Variants in NOX3 observed in about 807,000 individuals in gnomAD.
NOX3 encodes the protein NADPH oxidase catalytic subunit-like 3.
Under a neutral mutation model 76.7 loss-of-function variants are expected in NOX3, and 74 were observed. That is an observed-to-expected ratio of 0.96 (90% CI 0.80 to 1.17). NOX3 has a LOEUF of 1.17. Among genes scored for constraint, NOX3 ranks in the 50% most tolerant of loss-of-function variants. The pLI is 0.00. For synonymous variants in NOX3, 263 were observed against 261.1 expected (o/e 1.01, Z -0.07); for missense variants, 695 against 703.3 (o/e 0.99, Z 0.13).
At chr6:155,453,758 C>T (rs1043805177) in intron 3 of NOX3, among the ~76,000 whole-genome samples, 1 of 152,162 alleles carries the variant, frequency 6.6e-6, no homozygotes, top group Non-Finnish European at 1.5e-5. Flanking sequence ...ATGCCTCACT[C>T]AGCTTCTTTG....
At chr6:155,435,965 T>C (rs532084656) in intron 7 of NOX3, among the ~76,000 whole-genome samples, 8 of 152,348 alleles carry the variant, frequency 5.3e-5, no homozygotes, top group Admixed American at 3.3e-4. Context: ...ATCCTTGAAG[T>C]TGTCAAAAGA....
chr6:155,411,715 T>G (rs1352985602), intron 10 of NOX3, among the ~76,000 whole-genome samples: 2 of 152,202 alleles, frequency 1.3e-5, no homozygotes, highest in East Asian at 3.8e-4. Context: ...GATAAACCGT[T>G]AGACCAACCC....
chr6:155,405,890 C>G (rs1776451650), intron 12 of NOX3, among the ~76,000 whole-genome samples: 1 of 152,216 alleles, frequency 6.6e-6, no homozygotes. Context: ...CTGCTCAAAC[C>G]TGTAAGTGCC....
intron 7 of NOX3, among the ~76,000 whole-genome samples, chr6:155,435,712 T>A (rs1360922671): frequency 6.6e-6 from 1 of 152,220 alleles, no homozygotes; most frequent in African/African-American, 2.4e-5. Flanking sequence ...ATCACTTGGT[T>A]GTCCCAAAGA....
intron 11 of NOX3, among the ~76,000 whole-genome samples, chr6:155,408,217 A>C (rs984717307): frequency 1.3e-5 from 2 of 151,954 alleles, no homozygotes; most frequent in Admixed American, 1.3e-4. Context: ...CGATCTCCTG[A>C]CCTCATGATC....
intron 12 of NOX3, among the ~76,000 whole-genome samples, chr6:155,398,437 C>T (rs1779168732): frequency 1.3e-5 from 2 of 152,184 alleles, no homozygotes; most frequent in African/African-American, 4.8e-5. Flanking sequence ...TAACATGGTT[C>T]TCTGCCATGT....
At chr6:155,432,562 C>T (rs1250548566) in intron 7 of NOX3, among the ~76,000 whole-genome samples, 3 of 152,100 alleles carry the variant, frequency 2.0e-5, no homozygotes, top group Non-Finnish European at 2.9e-5. Context: ...ATTTTTACTT[C>T]CTTTGAGTCA....
At chr6:155,438,921 T>A (rs148517392) in intron 6 of NOX3, among the ~76,000 whole-genome samples, 88 of 152,318 alleles carry the variant, frequency 5.8e-4, no homozygotes, top group African/African-American at 1.9e-3. Flanking sequence ...GCTGGCCACA[T>A]TCTTGCTGGT....
chr6:155,429,331 T>C (rs895046850), intron 8 of NOX3, among the ~76,000 whole-genome samples: 7 of 152,196 alleles, frequency 4.6e-5, no homozygotes, highest in African/African-American at 1.7e-4. Flanking sequence ...ATGGCCAGGC[T>C]TTCCACAGCA....
intron 7 of NOX3, among the ~76,000 whole-genome samples, chr6:155,434,042 C>T (rs1281158773): frequency 6.6e-6 from 1 of 152,124 alleles, no homozygotes; most frequent in African/African-American, 2.4e-5. Context: ...GTTTTTCATT[C>T]CTACCAGAAA....
intron 7 of NOX3, among the ~76,000 whole-genome samples, chr6:155,435,530 T>A (rs1776891275): frequency 6.6e-6 from 1 of 152,226 alleles, no homozygotes; most frequent in African/African-American, 2.4e-5. Flanking sequence ...GAGGGTTTTT[T>A]TTTTAAACAA....
chr6:155,438,891 A>G (rs770323432), intron 6 of NOX3, among the ~76,000 whole-genome samples: 2 of 152,216 alleles, frequency 1.3e-5, no homozygotes, highest in Non-Finnish European at 2.9e-5. Context: ...TGGCAAGCCA[A>G]AAAGGGCATT....
rs561681617 is a variant in NOX3 at position 155,403,915 on chromosome 6, A to AAAAT, written c.1580+3211_1580+3214dup. Reference sequence around the variant, plus strand: ...CACTGGGCTGCAAGCTTTGTGTGTAAAAATAAATAAATAAATAAATAAATA... The same window carrying AAAAT: ...CACTGGGCTGCAAGCTTTGTGTGTAAAAATAAATAAATAAATAAATAAATAAATA... On this transcript the variant is annotated intron_variant, in intron 12 of 13. Coordinates refer to ENST00000159060, the MANE Select transcript of NOX3 (RefSeq NM_015718.3). Among the ~76,000 whole-genome samples, 711 of 151,988 alleles carry AAAAT rather than the reference A, an allele frequency of 4.7e-3. 4 individuals are homozygous for AAAAT. Among genetic ancestry groups the AAAAT allele is most frequent in the African/African-American group, 0.014 (575 of 41,430 alleles).
At chr6:155,424,019 G>A (rs556074732) in intron 9 of NOX3, among the ~76,000 whole-genome samples, 1 of 152,254 alleles carries the variant, frequency 6.6e-6, no homozygotes, top group East Asian at 1.9e-4. Context: ...GGGATTACAG[G>A]CGTGAGCCAC....
In NOX3 at chr6:155,404,121, A is replaced by G. The variant is rs1204691873; in HGVS notation, c.1580+3009T>C. Among the ~76,000 whole-genome samples the G allele has an allele frequency of 3.6e-5, 5 of 138,530 alleles. No homozygotes were observed. The East Asian group carries it at 8.6e-4, about 24-fold the overall frequency. 90.9% of individuals were successfully genotyped at this position (138,530 alleles called of 152,430 possible). A position where few individuals can be genotyped will look rare whatever the true frequency, so the allele number is the denominator to read the frequency against. ...AACATTTATCAGTGAATATATATAT[A>G]TATATATTTTTTTTTTCCCAAAAGG... On this transcript the variant is annotated intron_variant, in intron 12 of 13. Coordinates refer to ENST00000159060, the MANE Select transcript of NOX3 (RefSeq NM_015718.3).
At chr6:155,452,065 G>A (rs918680217) in intron 4 of NOX3, among the ~76,000 whole-genome samples, 1 of 151,998 alleles carries the variant, frequency 6.6e-6, no homozygotes, top group Non-Finnish European at 1.5e-5. Flanking sequence ...ACTGTGTTAT[G>A]CAGAAATCAA....
intron 12 of NOX3, among the ~76,000 whole-genome samples, chr6:155,403,055 G>A (rs1298636825): frequency 6.6e-6 from 1 of 152,126 alleles, no homozygotes; most frequent in African/African-American, 2.4e-5. Context: ...GAAAATTAAT[G>A]TTACTTTGTC....
chr6:155,414,880 G>A (rs11963302), intron 10 of NOX3, among the ~76,000 whole-genome samples: 2,135 of 151,918 alleles, frequency 0.014, 47 homozygotes, highest in African/African-American at 0.048. Flanking sequence ...CACCCACCTC[G>A]GCCTCCCAAA....
In NOX3 at chr6:155,454,931, T is replaced by G. The variant is rs1777193806; in HGVS notation, c.145-10A>C. ...CCCAAGCCAGTGTTGACTGTCCACA[T>G]GTAAAGACATAAAAAAGAGATTCAG... On this transcript the variant is annotated splice_polypyrimidine_tract_variant and intron_variant, in intron 2 of 13. Transcript: ENST00000159060. 3.1e-6 allele frequency: 5 copies of G among 1,600,384 alleles called. No individual in the cohort carries two copies. The highest frequency in any genetic ancestry group is 1.1e-5 in the South Asian group (1 of 89,870).
Sources: gnomAD v4.1 joint callset for allele counts (sites outside exome capture counted in the v4.1 genomes callset) on GRCh38, gnomAD v4.1.1 for gene constraint, MANE v1.5 for transcripts, NCBI Gene and HGNC (gene_info 2026-07-23, HGNC 2026-07-21) for gene names.